CDK5RAP3: variants seen among roughly 807,000 people sequenced by gnomAD.
CDK5RAP3 encodes the protein CDK5 regulatory subunit-associated protein 3.
In CDK5RAP3, 58 loss-of-function variants were observed where a neutral mutation model predicts 73.3. The ratio of observed to expected loss-of-function variants is 0.79; its 90% CI spans 0.64 to 0.98. CDK5RAP3 has a LOEUF of 0.98. CDK5RAP3 is among the 50% of genes least tolerant of loss of function. CDK5RAP3 has a pLI of 0.00. For missense variants in CDK5RAP3, 525 were observed against 615.8 expected (o/e 0.85, Z 1.56); for synonymous variants, 224 against 247.5 (o/e 0.91, Z 0.89).
rs76849903 is a variant in CDK5RAP3 at position 47,973,199 on chromosome 17, C to A, written c.53-320C>A. On this transcript the variant is annotated intron_variant, in intron 2 of 13. Transcript: ENST00000338399. The stretch of plus-strand genomic sequence containing the variant: ...CTTGTCAGGAAGAAAGATATAATTA[C>A]CCATAGAAGCAAAAATATTATGGGG... Among the ~76,000 whole-genome samples the A allele has an allele frequency of 1.7e-4, 26 of 152,278 alleles. No individual in the cohort carries two copies. The East Asian group carries it at 5.0e-3, about 29-fold the overall frequency.
chr17:47,975,686 G>A (rs2036392262), intron 7 of CDK5RAP3, 33 bp downstream of exon 7: 2 of 1,576,342 alleles, frequency 1.3e-6, no homozygotes, highest in Non-Finnish European at 1.7e-6. Flanking sequence ...TGGTGGGGGT[G>A]CTTTGCCTGT....
intron 10 of CDK5RAP3, among the ~76,000 whole-genome samples, chr17:47,978,364 C>G (rs1290998822): frequency 6.6e-6 from 1 of 151,956 alleles, no homozygotes; most frequent in Non-Finnish European, 1.5e-5. Flanking sequence ...GCCACCGTGC[C>G]TGGCCCAAGA....
At position 47,981,233 on chromosome 17, in the gene CDK5RAP3, G is replaced by T. The variant is rs372016668; in HGVS notation, c.1354G>T (p.Glu452Ter). The T allele has an allele frequency of 1.2e-6, 2 of 1,614,244 alleles. No individual in the cohort carries two copies. Among genetic ancestry groups the T allele is most frequent in the Non-Finnish European group, 1.7e-6 (2 of 1,180,038 alleles). ...KQSQLLALKK[E>*]LMVQKQQEAL... ...GTCCCAGCTGCTGGCTTTGAAGAAAGAGCTGATGGTGCAGAAGCAGCAGGA... is the reference window on the plus strand; with the variant it reads ...GTCCCAGCTGCTGGCTTTGAAGAAATAGCTGATGGTGCAGAAGCAGCAGGA... Residue 452 changes from glutamate to a stop codon, truncating the protein, a stop_gained, in exon 13 of 14, where the codon GAG (glutamate) becomes TAG (stop). Coordinates refer to ENST00000338399, the MANE Select transcript of CDK5RAP3 (RefSeq NM_176096.3). LOFTEE classifies it high-confidence loss of function.
At chr17:47,978,756 C>A in intron 10 of CDK5RAP3, 73 bp from the exon 11 acceptor site, 2 of 1,133,306 alleles carry the variant, frequency 1.8e-6, no homozygotes, top group Non-Finnish European at 2.7e-6. Context: ...TCCTCCAGGG[C>A]TTCTCACACT....
chr17:47,968,734 TC>T (rs2036213667), upstream of CDK5RAP3, among the ~76,000 whole-genome samples: 1 of 152,182 alleles, frequency 6.6e-6, no homozygotes, highest in African/African-American at 2.4e-5. Context: ...ATCAGGCTGG[TC>T]TCAAACTCCT....
upstream of CDK5RAP3, among the ~76,000 whole-genome samples, chr17:47,969,473 C>A (rs1452889892): frequency 7.2e-6 from 1 of 138,950 alleles, no homozygotes; most frequent in African/African-American, 2.7e-5. Context: ...AGGAGAATGG[C>A]GTGAACCCAG....
At chr17:47,970,886 C>G (rs2036242889), upstream of CDK5RAP3, 2 of 1,431,288 alleles carry the variant, frequency 1.4e-6, no homozygotes, top group Non-Finnish European at 1.8e-6. Context: ...CCCCTCCCGT[C>G]CCCTGCCCTG....
chr17:47,973,394 G>A, intron 2 of CDK5RAP3, 125 bp from the exon 3 acceptor site: 2 of 1,057,802 alleles, frequency 1.9e-6, no homozygotes, highest in Non-Finnish European at 2.7e-6. Flanking sequence ...ATCTTCCCAT[G>A]ACCCCCATAC....
chr17:47,977,930 C>T lies in CDK5RAP3; in HGVS notation c.988+20C>T, dbSNP rs371026111. On this transcript the variant is annotated intron_variant, in intron 10 of 13. Coordinates refer to ENST00000338399, the MANE Select transcript of CDK5RAP3 (RefSeq NM_176096.3). ...CCCAGGGTAAGTGCACCATCCCCTG[C>T]AGCCCTGGCAAAAGTGGGGTGCTCA... The T allele has an allele frequency of 8.7e-6, 14 of 1,608,600 alleles. No individual in the cohort carries two copies. The African/African-American group carries it at 1.5e-4, about 17-fold the overall frequency.
chr17:47,974,199 T>G, intron 4 of CDK5RAP3, 168 bp downstream of exon 4: 1 of 709,062 alleles, frequency 1.4e-6, no homozygotes, highest in Non-Finnish European at 2.4e-6. Flanking sequence ...TATCCCTGAG[T>G]TTAATTTTCA....
Position 47,981,342 on chromosome 17 carries a change from G to A in CDK5RAP3, c.1455+8G>A, listed in dbSNP as rs1355115830. On this transcript the variant is annotated splice_region_variant and intron_variant, in intron 13 of 13. Transcript: ENST00000338399. ...AAGGAGCTGCAGAAGCTGGTGAGAT[G>A]GGAAAGGGAGGCCTGCCAGTGGGAG... 1 of 1,613,790 alleles carries A rather than the reference G, an allele frequency of 6.2e-7. No homozygotes were observed. The highest frequency in any genetic ancestry group is 8.5e-7 in the Non-Finnish European group (1 of 1,179,778).
chr17:47,970,503 C>A, upstream of CDK5RAP3: 1 of 676,106 alleles, frequency 1.5e-6, no homozygotes, highest in Non-Finnish European at 2.6e-6. Flanking sequence ...TCCCACATCA[C>A]CCAGCTATCT....
upstream of CDK5RAP3, among the ~76,000 whole-genome samples, chr17:47,969,662 T>C (rs1170558031): frequency 1.3e-5 from 2 of 151,750 alleles, no homozygotes; most frequent in Non-Finnish European, 2.9e-5. Context: ...TACCCACTTC[T>C]TGGCCAATCT....
Position 47,973,557 on chromosome 17 carries a change from CAG to C in CDK5RAP3, c.94_95del (p.Leu33GlyfsTer72). On this transcript the variant is annotated frameshift_variant, in exon 3 of 14. Transcript: ENST00000338399. LOFTEE classifies it high-confidence loss of function. ...VDRRHCSLKWQSLVLTIREKI... is the reference protein window; with the variant it reads ...VDRRHCSLKWXSLVLTIREKI... ...CAGAAGGCACTGCAGCCTGAAATGGCAGAGTCTGGTGCTGACGATCCGCGAGA... is the reference window on the plus strand; with the variant it reads ...CAGAAGGCACTGCAGCCTGAAATGGCAGTCTGGTGCTGACGATCCGCGAGA... 1 of 1,614,164 alleles carries C rather than the reference CAG, an allele frequency of 6.2e-7. No homozygotes were observed. Among genetic ancestry groups the C allele is most frequent in the East Asian group, 2.2e-5 (1 of 44,884 alleles).
upstream of CDK5RAP3, chr17:47,970,802 C>T (rs2255697): frequency 0.72 from 1,035,256 of 1,445,936 alleles, 374,027 homozygotes; most frequent in East Asian, 0.78. Context: ...GACCCAGTGC[C>T]CGCCAGGGGA....
At position 47,971,356 on chromosome 17, in the gene CDK5RAP3, C is replaced by T; in HGVS notation, c.7-6C>T. On this transcript the variant is annotated splice_polypyrimidine_tract_variant and splice_region_variant and intron_variant, in intron 1 of 13. Transcript: ENST00000338399. ...ACGCCCCCCTCCTCACCGTGTTTCCCGCCAGGACCATCAGCACGTGCCCAT... is the reference window on the plus strand; with the variant it reads ...ACGCCCCCCTCCTCACCGTGTTTCCTGCCAGGACCATCAGCACGTGCCCAT... 1 of 1,610,242 alleles carries T rather than the reference C, an allele frequency of 6.2e-7. No individual in the cohort carries two copies.
chr17:47,978,049 G>A (rs1166415263), intron 10 of CDK5RAP3, 139 bp downstream of exon 10: 2 of 552,768 alleles, frequency 3.6e-6, no homozygotes, highest in African/African-American at 3.9e-5. Flanking sequence ...GAGGATGTGA[G>A]CTGAGGGGGA....
rs181509108 is a variant in CDK5RAP3 at position 47,974,190 on chromosome 17, A to G, written c.285+159A>G. 4.6e-4 allele frequency: 324 copies of G among 708,284 alleles called. 1 individual carries two copies. The highest frequency in any genetic ancestry group is 1.5e-3 in the South Asian group (84 of 56,552). The allele number at this position is 708,284 out of a possible 1,614,324, so 43.9% of individuals were successfully genotyped here. On this transcript the variant is annotated intron_variant, in intron 4 of 13. Transcript: ENST00000338399. ...ATAGTTTACTCCAAAAGTGGATCCT[A>G]TCCCTGAGTTTAATTTTCAAACCCA...
chr17:47,980,381 G>A (rs935292557), intron 11 of CDK5RAP3: 13 of 565,074 alleles, frequency 2.3e-5, no homozygotes, highest in South Asian at 1.1e-4. Context: ...TGATCCTCCC[G>A]CCTCAGCCTC....
Sources: allele counts gnomAD v4.1 joint callset (sites outside exome capture counted in the v4.1 genomes callset), GRCh38; gene constraint gnomAD v4.1.1; transcripts MANE v1.5; gene names NCBI Gene and HGNC (gene_info 2026-07-23, HGNC 2026-07-21).